Variants in ATOSA observed in about 807,000 individuals in gnomAD.
ATOSA encodes the protein atos homolog A.
chr15:52,601,030 A>C, the ATOSA span: 1 of 1,074,308 alleles, frequency 9.3e-7, no homozygotes, highest in Non-Finnish European at 1.4e-6. Context: ...ATTGTTAAAG[A>C]CCAGAATTTT....
At chr15:52,632,906 A>G in the ATOSA span, among the ~76,000 whole-genome samples, 1 of 152,254 alleles carries the variant, frequency 6.6e-6, no homozygotes, top group Non-Finnish European at 1.5e-5. Flanking sequence ...AGTGATAACT[A>G]AAATTCATGC....
At chr15:52,652,140 C>A in the ATOSA span, 8 of 1,187,694 alleles carry the variant, frequency 6.7e-6, no homozygotes, top group Non-Finnish European at 8.8e-6. Flanking sequence ...CTCGCTAGGT[C>A]CACTACAGCT....
At chr15:52,688,470 T>C in the ATOSA span, among the ~76,000 whole-genome samples, 3 of 149,094 alleles carry the variant, frequency 2.0e-5, no homozygotes, top group South Asian at 6.5e-4. Context: ...GGGAAAGAGG[T>C]CAATCATCCA....
the ATOSA span, among the ~76,000 whole-genome samples, chr15:52,676,105 C>A: frequency 6.6e-6 from 1 of 151,998 alleles, no homozygotes. Context: ...AAACTAGAGA[C>A]AAAAAAATCT....
the ATOSA span, among the ~76,000 whole-genome samples, chr15:52,651,212 A>T: frequency 6.6e-6 from 1 of 152,132 alleles, no homozygotes; most frequent in Admixed American, 6.5e-5. Context: ...CTTATCCTTC[A>T]GTTTTCTATA....
At chr15:52,651,021 CTATA>C in the ATOSA span, among the ~76,000 whole-genome samples, 930 of 152,220 alleles carry the variant, frequency 6.1e-3, 5 homozygotes, top group African/African-American at 0.022. Context: ...TTTCCAGATC[CTATA>C]TAAACAAATG....
chr15:52,665,490 G>T, the ATOSA span, among the ~76,000 whole-genome samples: 1 of 152,074 alleles, frequency 6.6e-6, no homozygotes, highest in Non-Finnish European at 1.5e-5. Context: ...TAACAAGAGT[G>T]TCAAGTAGGG....
chr15:52,605,114 T>C, the ATOSA span: 1 of 1,544,062 alleles, frequency 6.5e-7, no homozygotes, highest in Non-Finnish European at 8.9e-7. Flanking sequence ...AAGCATGAGA[T>C]AAGAAAAAAA....
chr15:52,693,910 T>C, the ATOSA span, among the ~76,000 whole-genome samples: 1 of 152,192 alleles, frequency 6.6e-6, no homozygotes, highest in African/African-American at 2.4e-5. Flanking sequence ...TTGAGTGGAA[T>C]GGCAGATATG....
chr15:52,606,975 G>A, the ATOSA span, among the ~76,000 whole-genome samples: 2 of 152,092 alleles, frequency 1.3e-5, no homozygotes, highest in African/African-American at 4.8e-5. Flanking sequence ...TTAAAAGGTG[G>A]TTTGGTAGGA....
At chr15:52,691,219 C>T in the ATOSA span, among the ~76,000 whole-genome samples, 1 of 152,024 alleles carries the variant, frequency 6.6e-6, no homozygotes, top group Non-Finnish European at 1.5e-5. Context: ...ATCATTCAAA[C>T]TTTTACAGGC....
the ATOSA span, among the ~76,000 whole-genome samples, chr15:52,636,029 T>C: frequency 6.9e-6 from 1 of 145,978 alleles, no homozygotes; most frequent in African/African-American, 2.5e-5. Context: ...AATATATAAA[T>C]AATAAATATA....
the ATOSA span, among the ~76,000 whole-genome samples, chr15:52,692,738 C>T: frequency 6.6e-6 from 1 of 152,066 alleles, no homozygotes. Flanking sequence ...AGGCTCACTG[C>T]AGTCTGGAAC....
chr15:52,619,191 G>A, the ATOSA span, among the ~76,000 whole-genome samples: 4 of 152,242 alleles, frequency 2.6e-5, no homozygotes, highest in Non-Finnish European at 5.9e-5. Context: ...TTTAATAAAC[G>A]AGAATACTAA....
the ATOSA span, among the ~76,000 whole-genome samples, chr15:52,635,551 C>T: frequency 1.3e-5 from 2 of 151,974 alleles, no homozygotes; most frequent in Non-Finnish European, 2.9e-5. Flanking sequence ...ACAAAATTAG[C>T]CAGGCTCAGT....
At chr15:52,586,006 G>C in the ATOSA span, 2 of 152,200 alleles carry the variant, frequency 1.3e-5, no homozygotes, top group Non-Finnish European at 2.9e-5. Flanking sequence ...ATACAGAATA[G>C]AAGACATATA....
chr15:52,596,316 A>G, the ATOSA span, among the ~76,000 whole-genome samples: 2 of 152,204 alleles, frequency 1.3e-5, no homozygotes, highest in Non-Finnish European at 2.9e-5. Flanking sequence ...AATAGACAAG[A>G]TGATTCTAAA....
chr15:52,602,848 G>A, the ATOSA span, among the ~76,000 whole-genome samples: 1 of 152,204 alleles, frequency 6.6e-6, no homozygotes, highest in Non-Finnish European at 1.5e-5. Context: ...GTTCTCAGCA[G>A]GGGAACTGAA....
At chr15:52,672,731 A>G in the ATOSA span, among the ~76,000 whole-genome samples, 3 of 152,048 alleles carry the variant, frequency 2.0e-5, no homozygotes, top group Non-Finnish European at 4.4e-5. Context: ...TTTTTAAGTC[A>G]CTCTCCTTAT....
Sources: allele counts gnomAD v4.1 joint callset (sites outside exome capture counted in the v4.1 genomes callset), GRCh38; gene constraint gnomAD v4.1.1; transcripts MANE v1.5; gene names NCBI Gene and HGNC (gene_info 2026-07-23, HGNC 2026-07-21).